MSH3: variants seen among roughly 807,000 people sequenced by gnomAD.
MSH3 encodes DNA mismatch repair protein Msh3.
MSH3 carries 106 observed loss-of-function variants against 123.3 expected under a neutral mutation model. The ratio of observed to expected loss-of-function variants is 0.86; its 90% confidence interval spans 0.73 to 1.01. The LOEUF is 1.01. Ranked by LOEUF, MSH3 falls within the 50% of genes least tolerant of loss-of-function variation. The pLI, the probability that MSH3 is intolerant of heterozygous loss-of-function variation, is 0.00. For synonymous variants in MSH3, 515 were observed against 481.4 expected, an observed-to-expected ratio of 1.07 and a Z score of -0.91; for missense variants, 1,459 against 1,347.6, an observed-to-expected ratio of 1.08 and a Z score of -1.29.
At chr5:80,691,817 G>A (rs1321508317) in intron 8 of MSH3, among the ~76,000 whole-genome samples, 1 of 146,530 alleles carries the variant, frequency 6.8e-6, no homozygotes, top group Non-Finnish European at 1.5e-5. Flanking sequence ...AAATATATAT[G>A]TATGTTTATA....
At position 80,870,043 on chromosome 5, in the gene MSH3, G is replaced by A. The variant is rs183033624; in HGVS notation, c.3131-3073G>A. On this transcript the variant is annotated intron_variant, in intron 22 of 23. Transcript: ENST00000265081. ...ACAAAAAGTAGCCGGGCATGGTGGTGCATACCTGTAATCCCAGCTACTCAG... is the reference window on the plus strand; with the variant it reads ...ACAAAAAGTAGCCGGGCATGGTGGTACATACCTGTAATCCCAGCTACTCAG... 1.1e-3 allele frequency among the ~76,000 whole-genome samples: 163 copies of A among 151,448 alleles called. 1 individual carries two copies. The highest frequency in any genetic ancestry group is 3.8e-3 in the African/African-American group (156 of 41,300).
At chr5:80,658,901 TTTTG>T (rs1430968308) in intron 2 of MSH3, among the ~76,000 whole-genome samples, 2 of 152,142 alleles carry the variant, frequency 1.3e-5, no homozygotes, top group East Asian at 3.8e-4. Flanking sequence ...CTGGCAAGTT[TTTTG>T]TTTTTGTTTT....
At chr5:80,761,867 T>C (rs1365049395) in intron 13 of MSH3, among the ~76,000 whole-genome samples, 189 bp downstream of exon 13, 8 of 152,180 alleles carry the variant, frequency 5.3e-5, no homozygotes, top group African/African-American at 1.9e-4. Context: ...TTTTCCATTG[T>C]AGAAAATAAA....
At chr5:80,757,599 A>G (rs1743949498) in intron 12 of MSH3, among the ~76,000 whole-genome samples, 1 of 152,146 alleles carries the variant, frequency 6.6e-6, no homozygotes, top group African/African-American at 2.4e-5. Flanking sequence ...TTTGTTTGGT[A>G]TATGGAATGA....
At chr5:80,706,606 A>G (rs11743909) in intron 8 of MSH3, among the ~76,000 whole-genome samples, 50,997 of 152,108 alleles carry the variant, frequency 0.34, 8,655 homozygotes, top group Non-Finnish European at 0.37. Flanking sequence ...TATTAAATAT[A>G]TAATGGATGA....
At chr5:80,838,681 A>AT (rs555523803) in intron 20 of MSH3, among the ~76,000 whole-genome samples, 21 of 150,220 alleles carry the variant, frequency 1.4e-4, no homozygotes, top group East Asian at 3.9e-4. Context: ...TGAGTAGAGG[A>AT]TTTTTTTTTT....
chr5:80,665,162 G>A lies in MSH3; in HGVS notation c.378G>A (p.Arg126=), dbSNP rs2112808699. The part of the protein sequence containing the change: ...SGNSEPKKCL[R]TRNVSKSLEK... Reference sequence around the variant, plus strand: ...CCTAAGAGCCAAAGAAATGTCTGAGGACCAGGAATGTTTCAAAGTCTCTGG... The same window carrying A: ...CCTAAGAGCCAAAGAAATGTCTGAGAACCAGGAATGTTTCAAAGTCTCTGG... The change falls in exon 3 of 24, where the codon AGG becomes AGA. Residue 126 remains arginine, a synonymous_variant. Transcript: ENST00000265081. The A allele has an allele frequency of 1.2e-6, 2 of 1,613,918 alleles. No individual in the cohort carries two copies. Among genetic ancestry groups the A allele is most frequent in the African/African-American group, 2.7e-5 (2 of 75,020 alleles).
At chr5:80,834,653 AATAT>A (rs1745478710) in intron 20 of MSH3, among the ~76,000 whole-genome samples, 3 of 148,064 alleles carry the variant, frequency 2.0e-5, no homozygotes, top group African/African-American at 7.3e-5. Flanking sequence ...AAATACTTAA[AATAT>A]ATATAAATAT....
At chr5:80,694,379 G>C (rs892362731) in intron 8 of MSH3, among the ~76,000 whole-genome samples, 1 of 152,052 alleles carries the variant, frequency 6.6e-6, no homozygotes, top group African/African-American at 2.4e-5. Flanking sequence ...TTGTGTCATT[G>C]TTTTACCAGT....
chr5:80,727,606 A>G (rs1476503815), intron 9 of MSH3, among the ~76,000 whole-genome samples: 1 of 152,210 alleles, frequency 6.6e-6, no homozygotes, highest in Non-Finnish European at 1.5e-5. Context: ...AAACATACAC[A>G]TATAGTTCTC....
intron 22 of MSH3, among the ~76,000 whole-genome samples, chr5:80,865,297 T>G (rs765916026): frequency 3.9e-5 from 6 of 152,184 alleles, no homozygotes; most frequent in Non-Finnish European, 7.3e-5. Context: ...AGAGTATAAT[T>G]AGTCATCTTT....
intron 8 of MSH3, among the ~76,000 whole-genome samples, chr5:80,699,983 C>T (rs951131439): frequency 4.6e-5 from 7 of 152,112 alleles, no homozygotes; most frequent in Non-Finnish European, 4.4e-5. Flanking sequence ...TTCCTCTTTT[C>T]GAGAGCAGAA....
At chr5:80,655,044 C>G (rs1180287760) in intron 1 of MSH3, 80 bp downstream of exon 1, 1 of 822,736 alleles carries the variant, frequency 1.2e-6, no homozygotes, top group Non-Finnish European at 1.8e-6. Context: ...GAGGCGGGGA[C>G]CCTCCGCCCG....
At chr5:80,814,717 C>CA (rs1745072338) in intron 20 of MSH3, among the ~76,000 whole-genome samples, 1 of 152,236 alleles carries the variant, frequency 6.6e-6, no homozygotes, top group Non-Finnish European at 1.5e-5. Flanking sequence ...CCATCCTCCC[C>CA]ATTTTAGGTG....
chr5:80,671,051 A>C (rs1441945213), intron 4 of MSH3, among the ~76,000 whole-genome samples: 1 of 151,514 alleles, frequency 6.6e-6, no homozygotes, highest in East Asian at 1.9e-4. Context: ...TGAACCCGGG[A>C]GATGGAGGTT....
chr5:80,758,690 C>T (rs1743973701), intron 12 of MSH3, among the ~76,000 whole-genome samples: 1 of 152,188 alleles, frequency 6.6e-6, no homozygotes, highest in East Asian at 1.9e-4. Flanking sequence ...CCAACTTGGC[C>T]TAACCTTTCA....
At chr5:80,875,702 C>A in intron 23 of MSH3, 49 bp from the exon 24 acceptor site, 1 of 1,094,086 alleles carries the variant, frequency 9.1e-7, no homozygotes, top group South Asian at 1.3e-5. Context: ...GACGTATTGT[C>A]TCCCAGCAAT....
intron 11 of MSH3, among the ~76,000 whole-genome samples, chr5:80,742,181 T>C (rs1206440916): frequency 1.3e-5 from 2 of 152,120 alleles, no homozygotes; most frequent in Non-Finnish European, 2.9e-5. Context: ...GGCTAATTTT[T>C]GTATTTTTAG....
At chr5:80,786,646 A>G (rs900124074) in intron 17 of MSH3, among the ~76,000 whole-genome samples, 1 of 152,172 alleles carries the variant, frequency 6.6e-6, no homozygotes, top group Non-Finnish European at 1.5e-5. Context: ...ATACTTGGCC[A>G]TTCTTAAAAA....
Sources: gnomAD v4.1 joint callset for allele counts (sites outside exome capture counted in the v4.1 genomes callset) on GRCh38, gnomAD v4.1.1 for gene constraint, MANE v1.5 for transcripts, NCBI Gene and HGNC (gene_info 2026-07-23, HGNC 2026-07-21) for gene names.